KLHL5: variants seen among roughly 807,000 people sequenced by gnomAD.
KLHL5 encodes the protein kelch like family member 5.
A neutral mutation model predicts 77.7 loss-of-function variants in KLHL5; 48 were observed. The ratio of observed to expected loss-of-function variants is 0.62; its 90% CI spans 0.49 to 0.79. The LOEUF is 0.79. Ranked by LOEUF, KLHL5 falls within the 30% of genes least tolerant of loss-of-function variation. The pLI is 0.00. For synonymous variants in KLHL5, 260 were observed against 297.0 expected, an observed-to-expected ratio of 0.88 and a Z score of 1.28; for missense variants, 723 against 859.7, an observed-to-expected ratio of 0.84 and a Z score of 1.99.
intron 4 of KLHL5, among the ~76,000 whole-genome samples, chr4:39,083,972 A>G (rs1232159898): frequency 2.6e-5 from 4 of 152,268 alleles, no homozygotes; most frequent in Non-Finnish European, 5.9e-5. Context: ...TCTAATAACA[A>G]TAAGTAATTT....
intron 1 of KLHL5, among the ~76,000 whole-genome samples, chr4:39,068,925 A>G (rs1293162235): frequency 1.3e-5 from 2 of 152,208 alleles, no homozygotes; most frequent in Non-Finnish European, 2.9e-5. Context: ...TGATATAACA[A>G]AGAGATTCAG....
intron 1 of KLHL5, among the ~76,000 whole-genome samples, chr4:39,075,650 A>G (rs1718947657): frequency 6.6e-6 from 1 of 152,240 alleles, no homozygotes; most frequent in South Asian, 2.1e-4. Flanking sequence ...GTGGTTATCA[A>G]TATGAATATA....
intron 1 of KLHL5, among the ~76,000 whole-genome samples, chr4:39,064,566 A>G (rs772811132): frequency 2.7e-4 from 41 of 152,290 alleles, no homozygotes; most frequent in Non-Finnish European, 5.4e-4. Context: ...TTAACATGTT[A>G]TCTACTACTG....
rs995681219 is a variant in KLHL5, at chr4:39,125,258, A to C, written c.*4192A>C. Among the ~76,000 whole-genome samples, 3 of 151,172 alleles carry C rather than the reference A, an allele frequency of 2.0e-5. No homozygotes were observed. Among genetic ancestry groups the C allele is most frequent in the African/African-American group, 7.3e-5 (3 of 41,330 alleles). On this transcript the variant is annotated 3_prime_UTR_variant, in exon 11 of 11. Transcript: ENST00000504108. ...TGTTGGTGGGAATGTTAAATGGTGTAGCCACTGTGGAAAACAGTTTGGCAG... is the reference window on the plus strand; with the variant it reads ...TGTTGGTGGGAATGTTAAATGGTGTCGCCACTGTGGAAAACAGTTTGGCAG...
chr4:39,067,803 C>T (rs1718035974), intron 1 of KLHL5, among the ~76,000 whole-genome samples: 2 of 152,102 alleles, frequency 1.3e-5, no homozygotes, highest in Middle Eastern at 6.8e-3. Context: ...GCCTCAGCCC[C>T]CAGAGTAGCT....
rs79735836 is a variant in KLHL5, at chr4:39,100,971, A to T, written c.1301-2316A>T. On this transcript the variant is annotated intron_variant, in intron 6 of 10. Coordinates refer to ENST00000504108, the MANE Select transcript of KLHL5 (RefSeq NM_015990.5). ...TAGTATAGGGCCAAACAAATCAGCT[A>T]ATACGGGCTCCAAATAGCCACTGTG... Among the ~76,000 whole-genome samples, 936 of 152,120 alleles carry T rather than the reference A, an allele frequency of 6.2e-3. 16 individuals are homozygous for T. The highest frequency in any genetic ancestry group is 0.021 in the African/African-American group (885 of 41,524).
rs78257954 is a variant in KLHL5, at chr4:39,124,649, C to T, written c.*3583C>T. The stretch of plus-strand genomic sequence containing the variant: ...ATGAATTTGTACCTGTACTTCATAC[C>T]ATATATAAAAATTAATTCAAAATAG... On this transcript the variant is annotated 3_prime_UTR_variant, in exon 11 of 11. Transcript: ENST00000504108. Among the ~76,000 whole-genome samples the T allele has an allele frequency of 8.7e-3, 1,316 of 151,382 alleles. 16 individuals are homozygous for T. The highest frequency in any genetic ancestry group is 0.03 in the African/African-American group (1,231 of 41,296).
At chr4:39,052,097 TTTACTCTTTTTA>T in intron 1 of KLHL5, among the ~76,000 whole-genome samples, 1 of 152,166 alleles carries the variant, frequency 6.6e-6, no homozygotes, top group East Asian at 1.9e-4. Flanking sequence ...ATGTAGTGTT[TTTACTCTTTTTA>T]AATTTATTAT....
Position 39,049,321 on chromosome 4 carries a change from G to A in KLHL5, c.-95+4225G>A, listed in dbSNP as rs1577618793. ...ATGCTTTTGAGAACTTCACAATTAAGTTTGTTATTTTGGCCAAATGAATTT... is the reference window on the plus strand; with the variant it reads ...ATGCTTTTGAGAACTTCACAATTAAATTTGTTATTTTGGCCAAATGAATTT... On this transcript the variant is annotated intron_variant, in intron 1 of 11. Transcript: ENST00000261425. Among the ~76,000 whole-genome samples, 3 of 152,282 alleles carry A rather than the reference G, an allele frequency of 2.0e-5. 1 individual carries two copies. The South Asian group carries it at 6.2e-4, about 32-fold the overall frequency.
upstream of KLHL5, among the ~76,000 whole-genome samples, chr4:39,060,748 G>T (rs1160363135): frequency 3.9e-5 from 6 of 152,144 alleles, no homozygotes; most frequent in African/African-American, 7.2e-5. Flanking sequence ...TTGATCAGAA[G>T]GAGTCTGACA....
chr4:39,121,988 C>A lies in KLHL5; in HGVS notation c.*922C>A, dbSNP rs1300964425. Reference sequence around the variant, plus strand: ...CCCTGCCTTATTTCTTATGTTTTGCCACAGTTAACCCATTGTGCTTCTTTG... The same window carrying A: ...CCCTGCCTTATTTCTTATGTTTTGCAACAGTTAACCCATTGTGCTTCTTTG... On this transcript the variant is annotated 3_prime_UTR_variant, in exon 11 of 11. Coordinates refer to ENST00000504108, the MANE Select transcript of KLHL5 (RefSeq NM_015990.5). 1 of 152,508 alleles carries A rather than the reference C, an allele frequency of 6.6e-6. No individual in the cohort carries two copies. The highest frequency in any genetic ancestry group is 2.4e-5 in the African/African-American group (1 of 41,408). 9.4% of individuals were successfully genotyped at this position (152,508 alleles called of 1,614,324 possible).
In KLHL5 at chr4:39,081,119, G is replaced by T; in HGVS notation, c.583G>T (p.Val195Phe). ...IPAHRLVLSS[V>F]SDYFAAMFTN... ...TGTTCACAGATTGGTGCTCTCCTCT[G>T]TCTCAGACTATTTTGCTGCCATGTT... The change falls in exon 3 of 11, where the codon GTC becomes TTC. Residue 195 changes from valine (V) to phenylalanine (F), a missense_variant. Coordinates refer to ENST00000504108, the MANE Select transcript of KLHL5 (RefSeq NM_015990.5). This position sits in a 1 kb window ranked among gnomAD's most constrained non-coding sequence, Gnocchi z 4.3. The T allele has an allele frequency of 6.2e-7, 1 of 1,610,808 alleles. No individual in the cohort carries two copies. The highest frequency in any genetic ancestry group is 8.5e-7 in the Non-Finnish European group (1 of 1,179,098).
At chr4:39,079,076 G>T (rs1040743580) in intron 2 of KLHL5, among the ~76,000 whole-genome samples, 55 of 152,162 alleles carry the variant, frequency 3.6e-4, no homozygotes, top group African/African-American at 1.3e-3. Flanking sequence ...ATTTCAACCC[G>T]AATTTCATAG....
In KLHL5 at chr4:39,062,331, GTTT is replaced by G. The variant is rs1379745901; in HGVS notation, c.-321_-319del. On this transcript the variant is annotated 5_prime_UTR_variant, in exon 1 of 11. Transcript: ENST00000504108. ...AAGGACTTTAATGAATGCTGTCAGT[GTTT>G]GTGAGACCTAATGGTCAGTATGGGA... 9.9e-6 allele frequency: 14 copies of G among 1,410,848 alleles called. No individual in the cohort carries two copies. In the African/African-American group the frequency reaches 2.0e-4, roughly 20 times the overall value. 87.4% of individuals were successfully genotyped at this position (1,410,848 alleles called of 1,614,324 possible). A position where few individuals can be genotyped will look rare whatever the true frequency, so the allele number is the denominator to read the frequency against.
intron 7 of KLHL5, among the ~76,000 whole-genome samples, chr4:39,105,737 T>TACACACACACACAC (rs10536180): frequency 1.4e-5 from 2 of 146,704 alleles, no homozygotes; most frequent in African/African-American, 5.1e-5. Context: ...TATATATGTA[T>TACACACACACACAC]ACACACACAC....
rs1168711968 is a variant in KLHL5, at chr4:39,124,012, C to A, written c.*2946C>A. Among the ~76,000 whole-genome samples, 1 of 151,922 alleles carries A rather than the reference C, an allele frequency of 6.6e-6. No individual in the cohort carries two copies. Among genetic ancestry groups the A allele is most frequent in the Admixed American group, 6.6e-5 (1 of 15,252 alleles). ...TGTTGCAGGTTGCAAGATCAACACA[C>A]AAAAGTCTAAGAAAAACCTGAGGGG... On this transcript the variant is annotated 3_prime_UTR_variant, in exon 11 of 11. Coordinates refer to ENST00000504108, the MANE Select transcript of KLHL5 (RefSeq NM_015990.5).
chr4:39,062,405 G>A lies in KLHL5; in HGVS notation c.-248G>A, dbSNP rs1237632539. The A allele has an allele frequency of 1.4e-6, 2 of 1,470,398 alleles. No homozygotes were observed. Among genetic ancestry groups the A allele is most frequent in the Non-Finnish European group, 1.8e-6 (2 of 1,118,812 alleles). The allele number at this position is 1,470,398 out of a possible 1,614,324, so 91.1% of individuals were successfully genotyped here. On this transcript the variant is annotated 5_prime_UTR_variant, in exon 1 of 11. An upstream start codon of the reference 5' UTR is lost. Transcript: ENST00000504108. ...TCTAGCTGCTTCAGGATAGGTGGAT[G>A]AGAGTTTGCTCTGATTGAACGGAAT...
chr4:39,107,710 G>A lies in KLHL5; in HGVS notation c.1667G>A (p.Gly556Asp), dbSNP rs1224091669. ...ATGTCTACCCCTAGGAGTACAGTAG[G>A]TGTGGCAGTACTAAGTGGAAAGTAA... ...ATMSTPRSTV[G>D]VAVLSGKLYA... The change falls in exon 8 of 11, where the codon GGT (glycine) becomes GAT (aspartate). Residue 556 changes from glycine to aspartate, a missense_variant. Transcript: ENST00000504108. 1 of 1,606,366 alleles carries A rather than the reference G, an allele frequency of 6.2e-7. No individual in the cohort carries two copies. The highest frequency in any genetic ancestry group is 8.5e-7 in the Non-Finnish European group (1 of 1,174,802).
chr4:39,132,926 T>C, the KLHL5 span, among the ~76,000 whole-genome samples: 11 of 148,630 alleles, frequency 7.4e-5, no homozygotes, highest in African/African-American at 2.9e-4. Context: ...GCCATTACTA[T>C]AATCTGTTAA....
Sources: gnomAD v4.1 joint callset for allele counts (sites outside exome capture counted in the v4.1 genomes callset) on GRCh38, gnomAD v4.1.1 for gene constraint, Gnocchi (gnomAD v3.1) non-coding constraint, MANE v1.5 for transcripts, NCBI Gene and HGNC (gene_info 2026-07-23, HGNC 2026-07-21) for gene names.